Variants in JPH2 observed in about 807,000 individuals in gnomAD.
The protein encoded by JPH2 is junctophilin 2.
A neutral mutation model predicts 55.9 loss-of-function variants in JPH2; 38 were observed. The ratio of observed to expected loss-of-function variants is 0.68; its 90% CI spans 0.52 to 0.89. JPH2 has a LOEUF of 0.89. JPH2 is among the 40% of genes least tolerant of loss of function. JPH2 has a pLI of 0.00. For missense variants in JPH2, 964 were observed against 1,037.6 expected, an observed-to-expected ratio of 0.93 and a Z score of 0.97; for synonymous variants, 480 against 472.4, an observed-to-expected ratio of 1.02 and a Z score of -0.21.
rs768914995 is a variant in JPH2, at chr20:44,160,448, G to T, written c.380-41C>A. 2.5e-6 allele frequency: 4 copies of T among 1,593,398 alleles called. No homozygotes were observed. The highest frequency in any genetic ancestry group is 1.7e-5 in the Admixed American group (1 of 58,276). On this transcript the variant is annotated intron_variant, in intron 1 of 5. Transcript: ENST00000372980. The surrounding 1 kb of genome is among the most constrained non-coding windows in gnomAD (Gnocchi z 4.9). ...GGGCGCGTCAGTAGGCGGCACGACG[G>T]GTCCCCGCGTGTGCACGGTGGCCTG...
intron 1 of JPH2, among the ~76,000 whole-genome samples, chr20:44,179,762 T>A (rs6017283): frequency 0.43 from 66,010 of 152,114 alleles, 14,549 homozygotes; most frequent in Middle Eastern, 0.47. Context: ...CTTATTTATA[T>A]TACAAAATGT....
intron 2 of JPH2, among the ~76,000 whole-genome samples, chr20:44,127,616 C>G (rs1390146591): frequency 6.6e-6 from 1 of 151,642 alleles, no homozygotes; most frequent in African/African-American, 2.4e-5. Flanking sequence ...CTCCCGAGTA[C>G]CTGGGATTAC....
chr20:44,110,833 G>A lies in JPH2; in HGVS notation c.*2685C>T, dbSNP rs544058414. Among the ~76,000 whole-genome samples, 1 of 152,326 alleles carries A rather than the reference G, an allele frequency of 6.6e-6. No individual in the cohort carries two copies. Among genetic ancestry groups the A allele is most frequent in the Admixed American group, 6.5e-5 (1 of 15,308 alleles). Reference sequence around the variant, plus strand: ...AGGGATTAGAGTCTCCTCAGCAGAAGAGGAAACTGAGGCACAGAAAGAGGG... The same window carrying A: ...AGGGATTAGAGTCTCCTCAGCAGAAAAGGAAACTGAGGCACAGAAAGAGGG... On this transcript the variant is annotated 3_prime_UTR_variant, in exon 6 of 6. Coordinates refer to ENST00000372980, the MANE Select transcript of JPH2 (RefSeq NM_020433.5).
chr20:44,169,166 C>T lies in JPH2; in HGVS notation c.380-8759G>A, dbSNP rs1375893324. 2.5e-5 allele frequency among the ~76,000 whole-genome samples: 3 copies of T among 119,234 alleles called. No homozygotes were observed. The East Asian group carries it at 7.7e-4, about 31-fold the overall frequency. 78.2% of individuals were successfully genotyped at this position (119,234 alleles called of 152,430 possible). On this transcript the variant is annotated intron_variant, in intron 1 of 5. Transcript: ENST00000372980. ...CTTTTTTCTTTGTAAATTACCTGGC[C>T]TTGGGTATTTTTTTTTTTTTTTTTT...
At chr20:44,118,704 A>T (rs764831574) in intron 2 of JPH2, 81 bp from the exon 3 acceptor site, 29 of 1,084,408 alleles carry the variant, frequency 2.7e-5, no homozygotes, top group Non-Finnish European at 3.9e-5. Flanking sequence ...CCACAAAGAG[A>T]CATGCTAAAC....
In JPH2 at chr20:44,112,476, ACTTGCCCCTCT is replaced by A. The variant is rs2072152797; in HGVS notation, c.*1031_*1041del. On this transcript the variant is annotated 3_prime_UTR_variant, in exon 6 of 6. Transcript: ENST00000372980. ...AGGCTGTACCCAGTTGGAGCCCCAG[ACTTGCCCCTCT>A]CTTGCCGGGAAATGCTTCTTGACAA... 6.6e-6 allele frequency: 1 copy of A among 152,252 alleles called. No individual in the cohort carries two copies. The highest frequency in any genetic ancestry group is 6.5e-5 in the Admixed American group (1 of 15,270). The allele number at this position is 152,252 out of a possible 1,614,324, so 9.4% of individuals were successfully genotyped here.
Position 44,114,766 on chromosome 20 carries a change from A to G in JPH2, c.*14+16T>C. On this transcript the variant is annotated intron_variant, in intron 5 of 5. Transcript: ENST00000372980. ...GCTCCTGCCCCCCAACCCCTCCTCC[A>G]GCCAGCTGGCTGCACCTGGTAAGCG... 7 of 1,572,070 alleles carry G rather than the reference A, an allele frequency of 4.5e-6. No homozygotes were observed. The highest frequency in any genetic ancestry group is 6.1e-6 in the Non-Finnish European group (7 of 1,155,036).
At chr20:44,120,555 A>C (rs1267628260) in intron 2 of JPH2, among the ~76,000 whole-genome samples, 1 of 152,178 alleles carries the variant, frequency 6.6e-6, no homozygotes, top group Non-Finnish European at 1.5e-5. Flanking sequence ...ATTGAAGTGC[A>C]AACAGGTTAA....
At position 44,142,416 on chromosome 20, in the gene JPH2, C is replaced by T. The variant is rs529872633; in HGVS notation, c.1169+17202G>A. Among the ~76,000 whole-genome samples the T allele has an allele frequency of 5.6e-4, 86 of 152,300 alleles. No individual in the cohort carries two copies. The South Asian group carries it at 0.012, about 21-fold the overall frequency. ...CCCCACGCTCTCTCCGGCCTTTTCT[C>T]GCACTGCTGTCCTCCCCCTCACTCC... On this transcript the variant is annotated intron_variant, in intron 2 of 5. Transcript: ENST00000372980.
In JPH2 at chr20:44,111,543, CCACT is replaced by C. The variant is rs1296464583; in HGVS notation, c.*1971_*1974del. Among the ~76,000 whole-genome samples, 3 of 152,142 alleles carry C rather than the reference CCACT, an allele frequency of 2.0e-5. No individual in the cohort carries two copies. Among genetic ancestry groups the C allele is most frequent in the South Asian group, 4.1e-4 (2 of 4,826 alleles). ...TAGAAGCTCTATGGTCTTTCAGCCC[CCACT>C]CAAACTGAAGCCCTTCAGCTGCCCC... On this transcript the variant is annotated 3_prime_UTR_variant, in exon 6 of 6. Coordinates refer to ENST00000372980, the MANE Select transcript of JPH2 (RefSeq NM_020433.5).
intron 1 of JPH2, chr20:44,176,814 A>AT (rs1360753106): frequency 4.3e-6 from 4 of 940,988 alleles, no homozygotes; most frequent in Non-Finnish European, 5.1e-6. Flanking sequence ...AAGAAAAAAA[A>AT]GGTATCCATA....
chr20:44,119,859 G>A (rs779072761), intron 2 of JPH2, among the ~76,000 whole-genome samples: 8 of 129,606 alleles, frequency 6.2e-5, no homozygotes, highest in Non-Finnish European at 1.3e-4. Context: ...GGGCAACAGG[G>A]TGAGACTCCA....
At chr20:44,162,771 TATATATATATATATATACAC>T (rs1386003513) in intron 1 of JPH2, among the ~76,000 whole-genome samples, 39 of 79,588 alleles carry the variant, frequency 4.9e-4, no homozygotes, top group Admixed American at 1.4e-3. Flanking sequence ...TATATATATA[TATATATATATATATATACAC>T]ACACACACAC....
At chr20:44,134,416 A>ATATATTTATTATATATATATAATATATAT in intron 2 of JPH2, among the ~76,000 whole-genome samples, 1 of 24,740 alleles carries the variant, frequency 4.0e-5, no homozygotes, top group African/African-American at 1.7e-4. Flanking sequence ...ATATATAAAT[A>ATATATTTATTATATATATATAATATATAT]AATATATATT....
rs1157323951 is a variant in JPH2, at chr20:44,162,745, CATATATATATATAT to C, written c.380-2352_380-2339del. Among the ~76,000 whole-genome samples the C allele has an allele frequency of 7.2e-3, 375 of 52,442 alleles. 3 individuals carry two copies. The highest frequency in any genetic ancestry group is 0.017 in the Middle Eastern group (1 of 60). The allele number at this position is 52,442 out of a possible 152,430, so 34.4% of individuals were successfully genotyped here. A position where few individuals can be genotyped will look rare whatever the true frequency, so the allele number is the denominator to read the frequency against. On this transcript the variant is annotated intron_variant, in intron 1 of 5. Coordinates refer to ENST00000372980, the MANE Select transcript of JPH2 (RefSeq NM_020433.5). ...GAGTTAATACTCCTTAATAAACTTC[CATATATATATATAT>C]ATATATATATATATATATATATATA... is the stretch of plus-strand genomic sequence containing the variant.
rs147997722 is a variant in JPH2 at position 44,107,314 on chromosome 20, G to A, written c.*6204C>T. 1.8e-4 allele frequency among the ~76,000 whole-genome samples: 28 copies of A among 152,112 alleles called. No individual in the cohort carries two copies. In the East Asian group the frequency reaches 3.9e-3, roughly 21 times the overall value. ...GAGACCTAAGTGGGACAATGGGGAT[G>A]GTACTACAGGCTGTACTGTCTTGTC... On this transcript the variant is annotated 3_prime_UTR_variant, in exon 6 of 6. Coordinates refer to ENST00000372980, the MANE Select transcript of JPH2 (RefSeq NM_020433.5).
rs79053721 is a variant in JPH2 at position 44,145,442 on chromosome 20, C to G, written c.1169+14176G>C. Among the ~76,000 whole-genome samples the G allele has an allele frequency of 6.4e-4, 98 of 152,090 alleles. 1 individual carries two copies. Among genetic ancestry groups the G allele is most frequent in the African/African-American group, 2.2e-3 (92 of 41,498 alleles). The stretch of plus-strand genomic sequence containing the variant: ...CAACATAGTGAAACCCCCGTCTCTA[C>G]GAAAAATACAAAAGTTAGCTGGGTG... On this transcript the variant is annotated intron_variant, in intron 2 of 5. Transcript: ENST00000372980.
chr20:44,134,725 T>A (rs181978109), intron 2 of JPH2, among the ~76,000 whole-genome samples: 3,130 of 37,158 alleles, frequency 0.084, 672 homozygotes, highest in African/African-American at 0.14. Flanking sequence ...TAAATATATA[T>A]TTATTATAAA....
rs2072586307 is a variant in JPH2 at position 44,159,239 on chromosome 20, T to C, written c.1169+379A>G. Among the ~76,000 whole-genome samples the C allele has an allele frequency of 6.6e-6, 1 of 151,602 alleles. No individual in the cohort carries two copies. The highest frequency in any genetic ancestry group is 1.5e-5 in the Non-Finnish European group (1 of 67,872). The stretch of plus-strand genomic sequence containing the variant: ...TAGTCAATGAAGGAATTGGGTGGAT[T>C]TGGATGGATGTTTGGGTGGTTGACT... On this transcript the variant is annotated intron_variant, in intron 2 of 5. Transcript: ENST00000372980. This position sits in a 1 kb window ranked among gnomAD's most constrained non-coding sequence, Gnocchi z 5.7.
Sources: gnomAD v4.1 joint callset for allele counts (sites outside exome capture counted in the v4.1 genomes callset) on GRCh38, gnomAD v4.1.1 for gene constraint, Gnocchi (gnomAD v3.1) non-coding constraint, MANE v1.5 for transcripts, NCBI Gene and HGNC (gene_info 2026-07-23, HGNC 2026-07-21) for gene names.